MGAT4C: variants seen among roughly 807,000 people sequenced by gnomAD.
MGAT4C encodes MGAT4 family member C, also known as alpha-1,3-mannosyl-glycoprotein 4-beta-N-acetylglucosaminyltransferase C.
Under a neutral mutation model 40.1 loss-of-function variants are expected in MGAT4C, and 19 were observed. That is an observed-to-expected ratio of 0.47 (90% CI 0.33 to 0.70). The LOEUF is 0.70. Among genes scored for constraint, MGAT4C ranks in the 30% least tolerant of loss-of-function variants. MGAT4C has a pLI of 0.02. For synonymous variants in MGAT4C, 181 were observed against 187.1 expected, an observed-to-expected ratio of 0.97 and a Z score of 0.27; for missense variants, 491 against 563.2, an observed-to-expected ratio of 0.87 and a Z score of 1.30.
intron 2 of MGAT4C, among the ~76,000 whole-genome samples, chr12:86,040,680 T>A (rs1047878482): frequency 6.6e-6 from 1 of 152,056 alleles, no homozygotes; most frequent in South Asian, 2.1e-4. Flanking sequence ...AATGATTCTG[T>A]CTCACTAGCA....
intron 2 of MGAT4C, among the ~76,000 whole-genome samples, chr12:85,993,629 C>A (rs1056831854): frequency 6.6e-6 from 1 of 152,122 alleles, no homozygotes; most frequent in Non-Finnish European, 1.5e-5. Context: ...ACACAGGTGG[C>A]CCCTGATGTC....
intron 2 of MGAT4C, among the ~76,000 whole-genome samples, chr12:86,037,552 G>A (rs1022658191): frequency 1.3e-5 from 2 of 150,180 alleles, no homozygotes; most frequent in African/African-American, 4.8e-5. Context: ...TATTTACGCA[G>A]TAGTCATTCA....
intron 1 of MGAT4C, among the ~76,000 whole-genome samples, chr12:86,187,926 A>G (rs2135890506): frequency 6.6e-6 from 1 of 152,184 alleles, no homozygotes; most frequent in South Asian, 2.1e-4. Flanking sequence ...TCAAATGTTC[A>G]CCAAAAGGCC....
chr12:86,276,049 C>G (rs1468017895), intron 4 of MGAT4C, among the ~76,000 whole-genome samples: 1 of 145,792 alleles, frequency 6.9e-6, no homozygotes, highest in Non-Finnish European at 1.5e-5. Flanking sequence ...TCCCGGGAGG[C>G]GGAGCTTGCA....
At chr12:86,412,806 A>C (rs550563215) in intron 3 of MGAT4C, among the ~76,000 whole-genome samples, 5 of 152,266 alleles carry the variant, frequency 3.3e-5, no homozygotes, top group African/African-American at 9.6e-5. Flanking sequence ...TTGTGTCCCT[A>C]CCCAAATCTC....
At chr12:86,060,311 A>G (rs1893816600) in intron 1 of MGAT4C, among the ~76,000 whole-genome samples, 1 of 152,228 alleles carries the variant, frequency 6.6e-6, no homozygotes, top group Admixed American at 6.5e-5. Flanking sequence ...AAACAATAAA[A>G]GTATTTAGGA....
At chr12:86,296,371 G>GAGCTGCCTGCCAGTCCCATGCC (rs1555264279) in intron 4 of MGAT4C, among the ~76,000 whole-genome samples, 5 of 151,174 alleles carry the variant, frequency 3.3e-5, no homozygotes, top group South Asian at 2.1e-4. Flanking sequence ...GCTGCAGGTG[G>GAGCTGCCTGCCAGTCCCATGCC]AGCTGCCTGC....
intron 2 of MGAT4C, among the ~76,000 whole-genome samples, chr12:86,589,466 C>T (rs1356233010): frequency 6.6e-6 from 1 of 151,814 alleles, no homozygotes; most frequent in East Asian, 1.9e-4. Context: ...CCGAATTCTA[C>T]CAGAGGTACA....
intron 2 of MGAT4C, among the ~76,000 whole-genome samples, chr12:86,505,155 C>T (rs1318352909): frequency 6.6e-6 from 1 of 151,964 alleles, no homozygotes; most frequent in East Asian, 1.9e-4. Context: ...GAATCTAATT[C>T]TGAACCTTTC....
At chr12:86,013,151 T>C (rs1888682150) in intron 2 of MGAT4C, among the ~76,000 whole-genome samples, 1 of 152,192 alleles carries the variant, frequency 6.6e-6, no homozygotes, top group African/African-American at 2.4e-5. Flanking sequence ...AACAGAGAAG[T>C]AAGACCTTGT....
At chr12:86,001,914 T>A (rs1428161735) in intron 2 of MGAT4C, 1 of 152,178 alleles carries the variant, frequency 6.6e-6, no homozygotes, top group East Asian at 1.9e-4. Flanking sequence ...CATGGTTTTG[T>A]TAAGGATAAT....
intron 1 of MGAT4C, among the ~76,000 whole-genome samples, chr12:86,239,751 G>C (rs946524341): frequency 4.6e-5 from 7 of 151,270 alleles, no homozygotes; most frequent in Non-Finnish European, 8.8e-5. Flanking sequence ...CTCTAATAAT[G>C]GCATTTTTAA....
intron 2 of MGAT4C, among the ~76,000 whole-genome samples, chr12:86,498,615 A>G (rs1958283069): frequency 6.6e-6 from 1 of 151,928 alleles, no homozygotes; most frequent in East Asian, 1.9e-4. Context: ...AGATGCAGTA[A>G]TAAATAATAA....
At chr12:86,763,873 T>C (rs1443100782) in intron 1 of MGAT4C, among the ~76,000 whole-genome samples, 2 of 152,080 alleles carry the variant, frequency 1.3e-5, no homozygotes, top group African/African-American at 4.8e-5. Context: ...AATGACATTA[T>C]TAGAGGGCAG....
intron 2 of MGAT4C, among the ~76,000 whole-genome samples, chr12:86,688,361 G>C (rs956912480): frequency 3.9e-5 from 6 of 151,942 alleles, no homozygotes; most frequent in Non-Finnish European, 8.8e-5. Context: ...GGTCAATATT[G>C]TTATGGGTTA....
intron 1 of MGAT4C, among the ~76,000 whole-genome samples, chr12:86,767,661 A>C (rs1352198425): frequency 6.6e-6 from 1 of 152,206 alleles, no homozygotes; most frequent in African/African-American, 2.4e-5. Flanking sequence ...CAAAAAGCTT[A>C]TCTACCATGA....
chr12:86,806,648 C>G (rs1242495996), intron 1 of MGAT4C, among the ~76,000 whole-genome samples: 1 of 152,002 alleles, frequency 6.6e-6, no homozygotes, highest in Non-Finnish European at 1.5e-5. Flanking sequence ...GTCCCTGTCC[C>G]TAACCACTAG....
At chr12:86,691,579 G>A (rs575526859) in intron 2 of MGAT4C, among the ~76,000 whole-genome samples, 13 of 152,234 alleles carry the variant, frequency 8.5e-5, no homozygotes, top group African/African-American at 3.1e-4. Context: ...TTACCAACCA[G>A]CTCAATTCTA....
intron 1 of MGAT4C, among the ~76,000 whole-genome samples, chr12:86,101,062 A>AGATTTCATATTCT (rs1342076371): frequency 2.6e-5 from 4 of 151,870 alleles, no homozygotes; most frequent in Admixed American, 2.6e-4. Context: ...ATGTAAAAAT[A>AGATTTCATATTCT]GATTTCATAT....
Sources: gnomAD v4.1 joint callset for allele counts (sites outside exome capture counted in the v4.1 genomes callset) on GRCh38, gnomAD v4.1.1 for gene constraint, MANE v1.5 for transcripts, NCBI Gene and HGNC (gene_info 2026-07-23, HGNC 2026-07-21) for gene names.